The following PCDHGB3 variants were observed in gnomAD, a reference collection of about 807,000 sequenced individuals.
PCDHGB3 encodes protocadherin gamma-B3.
In PCDHGB3, 40 loss-of-function variants were observed where a neutral mutation model predicts 59.2. The observed-to-expected ratio is 0.68, with a 90% CI of 0.52 to 0.88. PCDHGB3 has a LOEUF of 0.88. PCDHGB3 is among the 40% of genes least tolerant of loss of function. PCDHGB3 has a pLI of 0.00. For synonymous variants in PCDHGB3, 581 were observed against 503.6 expected (o/e 1.15, Z -2.06); for missense variants, 1,309 against 1,187.9 (o/e 1.10, Z -1.50).
In PCDHGB3 at chr5:141,439,058, TGGCA is replaced by T. The variant is rs1241503235; in HGVS notation, c.2416-55745_2416-55742del. On this transcript the variant is annotated intron_variant, in intron 1 of 3. Transcript: ENST00000576222. ...CAGTTCATAAGATTTCCATATTGTG[TGGCA>T]GGCGCCTGTAATCCCAGCTACTCAG... 2.0e-5 allele frequency among the ~76,000 whole-genome samples: 3 copies of T among 151,580 alleles called. No individual in the cohort carries two copies. The East Asian group carries it at 5.9e-4, about 30-fold the overall frequency.
intron 1 of PCDHGB3, among the ~76,000 whole-genome samples, chr5:141,452,353 AG>A (rs556616398): frequency 5.9e-5 from 9 of 152,206 alleles, no homozygotes; most frequent in Non-Finnish European, 1.3e-4. Context: ...TTTATCCAAA[AG>A]CCTTGCTTCA....
In PCDHGB3 at chr5:141,372,076, T is replaced by C. The variant is rs1768385368; in HGVS notation, c.1682T>C (p.Leu561Pro). The change falls in exon 1 of 4, where the codon CTG (leucine) becomes CCG (proline). Residue 561 changes from leucine to proline, a missense_variant. Leu to Pro is a moderately conservative substitution (Grantham distance 98, BLOSUM62 -3). Coordinates refer to ENST00000576222, the MANE Select transcript of PCDHGB3 (RefSeq NM_018924.5). ...LVDDRNDNAP[L>P]VLYPALGPEG... Reference sequence around the variant, plus strand: ...GACGACCGCAACGACAATGCACCGCTGGTGCTGTACCCAGCTCTGGGGCCC... The same window carrying C: ...GACGACCGCAACGACAATGCACCGCCGGTGCTGTACCCAGCTCTGGGGCCC... The C allele has an allele frequency of 2.5e-6, 4 of 1,613,690 alleles. No homozygotes were observed. The highest frequency in any genetic ancestry group is 2.5e-6 in the Non-Finnish European group (3 of 1,179,866).
In PCDHGB3 at chr5:141,486,563, G is replaced by A. The variant is rs558244990; in HGVS notation, c.2416-8244G>A. The A allele has an allele frequency of 1.2e-6, 2 of 1,614,006 alleles. No homozygotes were observed. The highest frequency in any genetic ancestry group is 1.7e-6 in the Non-Finnish European group (2 of 1,180,036). On this transcript the variant is annotated intron_variant, in intron 1 of 3. Coordinates refer to ENST00000576222, the MANE Select transcript of PCDHGB3 (RefSeq NM_018924.5). The surrounding 1 kb of genome is among the most constrained non-coding windows in gnomAD (Gnocchi z 5.0). ...CTTTCAGAGGTCACATGAGGTGTTTGTTCCTGAGAACAATCGCCCAGGGGA... is the reference window on the plus strand; with the variant it reads ...CTTTCAGAGGTCACATGAGGTGTTTATTCCTGAGAACAATCGCCCAGGGGA...
At chr5:141,501,883 G>A (rs1204174131) in intron 2 of PCDHGB3, among the ~76,000 whole-genome samples, 1 of 152,022 alleles carries the variant, frequency 6.6e-6, no homozygotes, top group African/African-American at 2.4e-5. Flanking sequence ...TTACACTCCT[G>A]ATCATCATGG....
At chr5:141,404,614 C>T in intron 1 of PCDHGB3, 5 of 1,614,078 alleles carry the variant, frequency 3.1e-6, no homozygotes, top group Non-Finnish European at 4.2e-6. Context: ...TTGTTTTGGA[C>T]CAGAATGACA....
At chr5:141,427,352 G>A (rs982774903) in intron 1 of PCDHGB3, 3 of 457,474 alleles carry the variant, frequency 6.6e-6, no homozygotes, top group African/African-American at 6.0e-5. Flanking sequence ...CTGTAACTGA[G>A]GACGCAGAAC....
intron 1 of PCDHGB3, among the ~76,000 whole-genome samples, chr5:141,443,156 A>G (rs1059029): frequency 0.29 from 44,047 of 151,812 alleles, 7,376 homozygotes; most frequent in African/African-American, 0.47. Flanking sequence ...ACTGCATTTT[A>G]TTTCCCTACC....
At position 141,412,973 on chromosome 5, in the gene PCDHGB3, C is replaced by A. The variant is rs2095594108; in HGVS notation, c.2415+40164C>A. 14 of 528,318 alleles carry A rather than the reference C, an allele frequency of 2.6e-5. No individual in the cohort carries two copies. In the South Asian group the frequency reaches 3.3e-4, roughly 12 times the overall value. The allele number at this position is 528,318 out of a possible 1,614,324, so 32.7% of individuals were successfully genotyped here. A position where few individuals can be genotyped will look rare whatever the true frequency, so the allele number is the denominator to read the frequency against. Reference sequence around the variant, plus strand: ...GCTGTTCACCTACTAGGAGAGAAAACGCAGCCAGAGCTCAATCCGGATTCT... The same window carrying A: ...GCTGTTCACCTACTAGGAGAGAAAAAGCAGCCAGAGCTCAATCCGGATTCT... On this transcript the variant is annotated intron_variant, in intron 1 of 3. Transcript: ENST00000576222.
Position 141,432,731 on chromosome 5 carries a change from G to C in PCDHGB3, c.2415+59922G>C, listed in dbSNP as rs1244820860. On this transcript the variant is annotated intron_variant, in intron 1 of 3. Coordinates refer to ENST00000576222, the MANE Select transcript of PCDHGB3 (RefSeq NM_018924.5). This position sits in a 1 kb window ranked among gnomAD's most constrained non-coding sequence, Gnocchi z 6.0. ...CGGCCAGCCCCCTCTCTCCGCCACT[G>C]TCACGCTCACCGTGGCCGTGGCCGA... The C allele has an allele frequency of 6.2e-7, 1 of 1,614,068 alleles. No homozygotes were observed.
chr5:141,399,988 G>C, intron 1 of PCDHGB3: 1 of 1,612,442 alleles, frequency 6.2e-7, no homozygotes, highest in Non-Finnish European at 8.5e-7. Context: ...GCGCACAGGA[G>C]AGGTGCGCAC....
At chr5:141,446,098 A>G (rs375135134) in intron 1 of PCDHGB3, among the ~76,000 whole-genome samples, 2 of 152,350 alleles carry the variant, frequency 1.3e-5, no homozygotes, top group African/African-American at 4.8e-5. Flanking sequence ...TGGATGAATT[A>G]TAGATATATT....
chr5:141,416,306 G>A (rs1186519939), intron 1 of PCDHGB3: 1 of 152,186 alleles, frequency 6.6e-6, no homozygotes, highest in Non-Finnish European at 1.5e-5. Flanking sequence ...CTATGTGGAA[G>A]ATATAGCATT....
At chr5:141,457,469 AG>A (rs1170841505) in intron 1 of PCDHGB3, among the ~76,000 whole-genome samples, 1 of 152,226 alleles carries the variant, frequency 6.6e-6, no homozygotes, top group Non-Finnish European at 1.5e-5. Context: ...CACAGGAATA[AG>A]CAGGGCCAGG....
At chr5:141,390,307 A>G (rs2092112369) in intron 1 of PCDHGB3, 1 of 1,613,424 alleles carries the variant, frequency 6.2e-7, no homozygotes, top group Admixed American at 1.7e-5. Flanking sequence ...GTATAATTTA[A>G]TGCTCATTGC....
chr5:141,389,045 T>C, intron 1 of PCDHGB3: 3 of 1,613,920 alleles, frequency 1.9e-6, no homozygotes, highest in Non-Finnish European at 2.5e-6. Flanking sequence ...TGGAAGGTGA[T>C]GTTCCATTTA....
rs780241180 is a variant in PCDHGB3, at chr5:141,490,819, C to A, written c.2416-3988C>A. On this transcript the variant is annotated intron_variant, in intron 1 of 3. Transcript: ENST00000576222. The surrounding 1 kb of genome is among the most constrained non-coding windows in gnomAD (Gnocchi z 5.4). ...CCAGCGTACCTTTGACTATGAATTGCTGCAGATGCTGCAGATTGTGGTGGG... is the reference window on the plus strand; with the variant it reads ...CCAGCGTACCTTTGACTATGAATTGATGCAGATGCTGCAGATTGTGGTGGG... 3 of 1,613,842 alleles carry A rather than the reference C, an allele frequency of 1.9e-6. No individual in the cohort carries two copies. The highest frequency in any genetic ancestry group is 2.5e-6 in the Non-Finnish European group (3 of 1,179,804).
Position 141,476,292 on chromosome 5 carries a change from G to A in PCDHGB3, c.2416-18515G>A. The A allele has an allele frequency of 1.9e-6, 3 of 1,614,144 alleles. No homozygotes were observed. The highest frequency in any genetic ancestry group is 2.5e-6 in the Non-Finnish European group (3 of 1,180,016). On this transcript the variant is annotated intron_variant, in intron 1 of 3. Transcript: ENST00000576222. This position sits in a 1 kb window ranked among gnomAD's most constrained non-coding sequence, Gnocchi z 7.6. ...GTCGCGAACCTTGGTTTGGATCTCGGTAGCCTCTCAGCCCGCAGGTTCCGG... is the reference window on the plus strand; with the variant it reads ...GTCGCGAACCTTGGTTTGGATCTCGATAGCCTCTCAGCCCGCAGGTTCCGG...
chr5:141,383,911 T>C, intron 1 of PCDHGB3: 1 of 1,613,926 alleles, frequency 6.2e-7, no homozygotes, highest in Non-Finnish European at 8.5e-7. Context: ...GATCACAGTT[T>C]TAGATGTAAA....
chr5:141,393,844 G>A (rs1158027980), intron 1 of PCDHGB3: 1 of 1,613,966 alleles, frequency 6.2e-7, no homozygotes, highest in Admixed American at 1.7e-5. Flanking sequence ...AATGACAATA[G>A]ACCAGAAGTG....
Sources: allele counts gnomAD v4.1 joint callset (sites outside exome capture counted in the v4.1 genomes callset), GRCh38; gene constraint gnomAD v4.1.1; non-coding constraint Gnocchi (gnomAD v3.1); transcripts MANE v1.5; gene names NCBI Gene and HGNC (gene_info 2026-07-23, HGNC 2026-07-21).